Variants in AGBL1 observed in about 807,000 individuals in gnomAD.
The protein encoded by AGBL1 is cytosolic carboxypeptidase 4.
A neutral mutation model predicts 118.9 loss-of-function variants in AGBL1; 130 were observed. That is an observed-to-expected ratio of 1.09 (90% confidence interval 0.95 to 1.26). The LOEUF is 1.26. AGBL1 is among the 50% of genes most tolerant of loss of function. AGBL1 has a pLI of 0.00. For missense variants in AGBL1, 1,584 were observed against 1,298.1 expected (o/e 1.22, Z -3.38); for synonymous variants, 555 against 478.9 (o/e 1.16, Z -2.08).
At chr15:86,923,432 C>T (rs1277958406) in intron 23 of AGBL1, among the ~76,000 whole-genome samples, 1 of 152,188 alleles carries the variant, frequency 6.6e-6, no homozygotes, top group Non-Finnish European at 1.5e-5. Context: ...GTTATCACCT[C>T]CTCACCTTTT....
At chr15:86,389,701 A>C (rs2081248652) in intron 17 of AGBL1, among the ~76,000 whole-genome samples, 2 of 152,188 alleles carry the variant, frequency 1.3e-5, no homozygotes, top group Non-Finnish European at 2.9e-5. Flanking sequence ...AATATAGTAG[A>C]TTATATTATA....
chr15:86,690,001 G>C (rs1444361468), intron 22 of AGBL1, among the ~76,000 whole-genome samples: 3 of 152,052 alleles, frequency 2.0e-5, no homozygotes, highest in Admixed American at 2.0e-4. Context: ...GAAACATAAT[G>C]TCTAGAATTA....
At chr15:86,351,043 C>T (rs2080617642) in intron 17 of AGBL1, among the ~76,000 whole-genome samples, 2 of 152,198 alleles carry the variant, frequency 1.3e-5, no homozygotes, top group Non-Finnish European at 2.9e-5. Flanking sequence ...CTGACCTAAG[C>T]ACTTTGTGCA....
chr15:86,138,036 C>T (rs2076912559), intron 1 of AGBL1, among the ~76,000 whole-genome samples: 1 of 152,154 alleles, frequency 6.6e-6, no homozygotes, highest in South Asian at 2.1e-4. Context: ...CAGGCCATTC[C>T]TTAGCTTGAG....
chr15:86,806,721 C>T (rs1213114515), intron 22 of AGBL1, among the ~76,000 whole-genome samples: 2 of 151,586 alleles, frequency 1.3e-5, no homozygotes, highest in Non-Finnish European at 2.9e-5. Flanking sequence ...AAGAGTGCTG[C>T]TACTTATAAA....
intron 23 of AGBL1, among the ~76,000 whole-genome samples, chr15:86,976,661 C>T (rs1207445790): frequency 6.6e-6 from 1 of 151,868 alleles, no homozygotes; most frequent in Non-Finnish European, 1.5e-5. Flanking sequence ...AGATGTAATA[C>T]CCAGCTCAAC....
chr15:86,985,211 A>T (rs117165079), intron 23 of AGBL1, among the ~76,000 whole-genome samples: 10 of 152,184 alleles, frequency 6.6e-5, no homozygotes, highest in African/African-American at 2.4e-4. Context: ...TTCATGTACA[A>T]TGCTTTGTGT....
chr15:86,412,906 C>T (rs1190335370), intron 18 of AGBL1, among the ~76,000 whole-genome samples: 1 of 152,150 alleles, frequency 6.6e-6, no homozygotes, highest in Non-Finnish European at 1.5e-5. Context: ...TCACACAACC[C>T]TCTGTGGTAA....
At chr15:86,271,067 G>T (rs1236218401) in intron 14 of AGBL1, among the ~76,000 whole-genome samples, 1 of 12,462 alleles carries the variant, frequency 8.0e-5, no homozygotes, top group Non-Finnish European at 1.4e-4. Context: ...TTTTTTTTTG[G>T]CGAGACAGAG....
intron 1 of AGBL1, among the ~76,000 whole-genome samples, chr15:86,123,703 T>A (rs1898230477): frequency 6.6e-6 from 1 of 152,208 alleles, no homozygotes; most frequent in Non-Finnish European, 1.5e-5. Flanking sequence ...CCAATGTATA[T>A]CTTACATGTA....
At chr15:86,526,087 T>C (rs1072286) in intron 19 of AGBL1, among the ~76,000 whole-genome samples, 1,935 of 152,284 alleles carry the variant, frequency 0.013, 37 homozygotes, top group African/African-American at 0.045. Flanking sequence ...AAAGAAGTTA[T>C]ATGAGTGACC....
At chr15:86,312,278 C>T (rs973209113) in intron 17 of AGBL1, 5 of 152,190 alleles carry the variant, frequency 3.3e-5, no homozygotes, top group African/African-American at 1.2e-4. Context: ...TTTCCTACTG[C>T]CATTCGCCCA....
rs147316503 is a variant in AGBL1 at position 86,997,768 on chromosome 15, A to G, written c.3323+9680A>G. Among the ~76,000 whole-genome samples, 150 of 151,920 alleles carry G rather than the reference A, an allele frequency of 9.9e-4. 1 individual carries two copies. Among genetic ancestry groups the G allele is most frequent in the Admixed American group, 8.3e-3 (126 of 15,234 alleles). ...CTTAATATCTCTGCTCCTTTTTTTTAAAAGAGACTTAATGGAAAACCTAAT... is the reference window on the plus strand; with the variant it reads ...CTTAATATCTCTGCTCCTTTTTTTTGAAAGAGACTTAATGGAAAACCTAAT... On this transcript the variant is annotated intron_variant, in intron 24 of 24. Coordinates refer to the AGBL1 transcript ENST00000441037.
At position 86,870,277 on chromosome 15, in the gene AGBL1, C is replaced by T. The variant is rs993118510; in HGVS notation, c.3159-36810C>T. On this transcript the variant is annotated intron_variant, in intron 22 of 22. Transcript: ENST00000614907. Reference sequence around the variant, plus strand: ...ATCTCTATTTTTCATCCTCAGTTTACAAGGGAGAAATCTGAGGCTTTGAGA... The same window carrying T: ...ATCTCTATTTTTCATCCTCAGTTTATAAGGGAGAAATCTGAGGCTTTGAGA... 2.0e-5 allele frequency among the ~76,000 whole-genome samples: 3 copies of T among 151,650 alleles called. No individual in the cohort carries two copies. In the East Asian group the frequency reaches 5.8e-4, roughly 29 times the overall value.
intron 1 of AGBL1, among the ~76,000 whole-genome samples, chr15:86,099,046 G>A (rs749668453): frequency 2.4e-4 from 37 of 151,984 alleles, no homozygotes; most frequent in African/African-American, 8.2e-4. Context: ...GCCTTGATAC[G>A]CAACATATCA....
chr15:86,494,383 G>A (rs980509529), intron 18 of AGBL1, among the ~76,000 whole-genome samples: 1 of 151,954 alleles, frequency 6.6e-6, no homozygotes, highest in African/African-American at 2.4e-5. Flanking sequence ...AATTTTGTAG[G>A]TGGTTCTGTT....
intron 24 of AGBL1, among the ~76,000 whole-genome samples, chr15:86,991,320 A>G (rs575149735): frequency 4.8e-4 from 73 of 150,740 alleles, no homozygotes; most frequent in African/African-American, 1.6e-3. Context: ...GCATAAAACT[A>G]TCATATGTCT....
At chr15:86,158,843 C>A (rs1597473110) in intron 4 of AGBL1, 90 bp from the exon 5 acceptor site, 5 of 1,102,964 alleles carry the variant, frequency 4.5e-6, no homozygotes, top group East Asian at 4.9e-5. Flanking sequence ...TCAAGTTGCC[C>A]CTTAAAGATT....
intron 17 of AGBL1, among the ~76,000 whole-genome samples, chr15:86,315,431 G>A (rs756374472): frequency 3.9e-5 from 6 of 151,986 alleles, no homozygotes; most frequent in East Asian, 1.9e-4. Flanking sequence ...TAAAAAATTC[G>A]TGGGGCCGGG....
Sources: gnomAD v4.1 joint callset for allele counts (sites outside exome capture counted in the v4.1 genomes callset) on GRCh38, gnomAD v4.1.1 for gene constraint, MANE v1.5 for transcripts, NCBI Gene and HGNC (gene_info 2026-07-23, HGNC 2026-07-21) for gene names.